Variants in ERC1 observed in about 807,000 individuals in gnomAD.
ERC1 encodes RAB6 interacting protein 2.
Under a neutral mutation model 132.0 loss-of-function variants are expected in ERC1, and 56 were observed. The observed-to-expected ratio is 0.42, with a 90% CI of 0.34 to 0.53. The LOEUF is 0.53. ERC1 is among the 20% of genes least tolerant of loss of function. The pLI, the probability that ERC1 is intolerant of heterozygous loss-of-function variation, is 0.03. For synonymous variants in ERC1, 478 were observed against 476.1 expected (o/e 1.00, Z -0.05); for missense variants, 1,202 against 1,349.9 (o/e 0.89, Z 1.72).
At chr12:1,072,521 G>A (rs1355188583) in intron 2 of ERC1, among the ~76,000 whole-genome samples, 1 of 152,088 alleles carries the variant, frequency 6.6e-6, no homozygotes, top group Non-Finnish European at 1.5e-5. Context: ...ATGTGCAAAA[G>A]AGTCTCAGAC....
At chr12:1,050,364 T>C (rs967049355) in intron 2 of ERC1, among the ~76,000 whole-genome samples, 3 of 152,174 alleles carry the variant, frequency 2.0e-5, no homozygotes, top group Non-Finnish European at 4.4e-5. Context: ...ACACCCAAAC[T>C]TGTTCTTTGC....
chr12:1,187,922 C>T (rs1400381313), intron 11 of ERC1, among the ~76,000 whole-genome samples: 1 of 152,138 alleles, frequency 6.6e-6, no homozygotes, highest in Non-Finnish European at 1.5e-5. Flanking sequence ...GGAGAACTAA[C>T]TTAGGTCAAG....
chr12:1,490,241 TG>T lies in ERC1; in HGVS notation c.*15del, dbSNP rs1003651501. 6.2e-6 allele frequency: 10 copies of T among 1,612,586 alleles called. No individual in the cohort carries two copies. The highest frequency in any genetic ancestry group is 2.2e-5 in the East Asian group (1 of 44,852). ...GAAGAGTCCTCTTGACCCTGCTTTA[TG>T]GGGAAGCCTGAGGTAGTCAACCCAG... On this transcript the variant is annotated 3_prime_UTR_variant, in exon 19 of 19. Transcript: ENST00000360905.
rs1016480213 is a variant in ERC1 at position 1,494,999 on chromosome 12, A to G, written c.*4769A>G. 1.7e-5 allele frequency: 4 copies of G among 230,152 alleles called. No individual in the cohort carries two copies. Among genetic ancestry groups the G allele is most frequent in the African/African-American group, 8.9e-5 (4 of 45,160 alleles). 14.3% of individuals were successfully genotyped at this position (230,152 alleles called of 1,614,324 possible). A position where few individuals can be genotyped will look rare whatever the true frequency, so the allele number is the denominator to read the frequency against. On this transcript the variant is annotated 3_prime_UTR_variant, in exon 19 of 19. Coordinates refer to ENST00000360905, the MANE Select transcript of ERC1 (RefSeq NM_178040.4). ...AGACACCTGCCGAGCAAAAGGAACG[A>G]GAATCTGGGGCTCAGAGCCTCGCAG... is the stretch of plus-strand genomic sequence containing the variant.
chr12:1,470,283 A>C (rs919453137), intron 18 of ERC1, among the ~76,000 whole-genome samples: 1 of 151,822 alleles, frequency 6.6e-6, no homozygotes, highest in Admixed American at 6.6e-5. Context: ...GGCTGGGGGG[A>C]AACTTCCTTC....
intron 15 of ERC1, among the ~76,000 whole-genome samples, chr12:1,311,322 A>G (rs1426785467): frequency 6.7e-6 from 1 of 149,776 alleles, no homozygotes; most frequent in Admixed American, 6.6e-5. Flanking sequence ...TGTTGATACA[A>G]CATTAAATTT....
intron 18 of ERC1, among the ~76,000 whole-genome samples, chr12:1,451,998 C>A (rs1187386185): frequency 6.6e-6 from 1 of 152,104 alleles, no homozygotes; most frequent in African/African-American, 2.4e-5. Flanking sequence ...ATCTGTAAGC[C>A]AAGGAGAGAG....
intron 3 of ERC1, among the ~76,000 whole-genome samples, chr12:1,084,194 TG>T (rs1942640633): frequency 1.3e-5 from 2 of 152,230 alleles, no homozygotes; most frequent in African/African-American, 4.8e-5. Flanking sequence ...TTCTAAATAA[TG>T]TATCATTTTA....
intron 15 of ERC1, among the ~76,000 whole-genome samples, chr12:1,300,878 G>A (rs776656191): frequency 7.9e-5 from 12 of 152,088 alleles, no homozygotes; most frequent in Admixed American, 7.9e-4. Flanking sequence ...AACCATTGTG[G>A]AAGATGATGT....
chr12:1,327,360 A>G (rs1027489844), intron 15 of ERC1, among the ~76,000 whole-genome samples: 23 of 152,182 alleles, frequency 1.5e-4, no homozygotes, highest in Admixed American at 4.6e-4. Context: ...TTACACAAGT[A>G]TTTTAGAGTT....
At chr12:1,208,307 G>C (rs1318619168) in intron 12 of ERC1, among the ~76,000 whole-genome samples, 1 of 151,706 alleles carries the variant, frequency 6.6e-6, no homozygotes, top group Non-Finnish European at 1.5e-5. Flanking sequence ...TTTGAATATG[G>C]CCCAACACAA....
At chr12:1,290,074 A>G (rs1340209483) in intron 15 of ERC1, 62 bp downstream of exon 15, 2 of 1,431,550 alleles carry the variant, frequency 1.4e-6, no homozygotes, top group East Asian at 2.3e-5. Context: ...TTCTCCCTGC[A>G]TTCATCTTCT....
upstream of ERC1, chr12:990,952 A>AGTGTGTGTGTGTGAGT: frequency 1.3e-5 from 2 of 150,144 alleles, no homozygotes; most frequent in South Asian, 4.2e-4. Flanking sequence ...TGTGTGTGTG[A>AGTGTGTGTGTGTGAGT]GTGTGTGTGT....
intron 18 of ERC1, among the ~76,000 whole-genome samples, chr12:1,488,714 T>C (rs2094280059): frequency 6.6e-6 from 1 of 152,232 alleles, no homozygotes; most frequent in Non-Finnish European, 1.5e-5. Context: ...ATTTTCCTCC[T>C]TTCTTTCCTA....
chr12:1,183,317 C>T lies in ERC1; in HGVS notation c.2053C>T (p.Leu685=). 6.3e-7 allele frequency: 1 copy of T among 1,578,520 alleles called. No homozygotes were observed. Among genetic ancestry groups the T allele is most frequent in the East Asian group, 2.2e-5 (1 of 44,516 alleles). Reference sequence around the variant, plus strand: ...GGATCTGAAAGAGCATGCTTCTTCTCTGGCATCCTCAGGACTGAAAAAGGA... The same window carrying T: ...GGATCTGAAAGAGCATGCTTCTTCTTTGGCATCCTCAGGACTGAAAAAGGA... The part of the protein sequence containing the change: ...LLDLKEHASS[L]ASSGLKKDSR... The change falls in exon 11 of 19, where the codon CTG becomes TTG. Residue 685 remains leucine (L), a synonymous_variant. Coordinates refer to ENST00000360905, the MANE Select transcript of ERC1 (RefSeq NM_178040.4).
At chr12:1,321,382 T>C (rs1281147139) in intron 15 of ERC1, among the ~76,000 whole-genome samples, 2 of 152,308 alleles carry the variant, frequency 1.3e-5, no homozygotes, top group Non-Finnish European at 2.9e-5. Context: ...GGCACAGATA[T>C]TTCTTGTAAA....
At chr12:1,444,383 T>A in intron 17 of ERC1, 179 bp from the exon 18 acceptor site, 1 of 528,190 alleles carries the variant, frequency 1.9e-6, no homozygotes, top group Non-Finnish European at 3.3e-6. Context: ...AGCGTAAATG[T>A]GTGACAGTAT....
chr12:1,268,838 G>C (rs761857846), intron 14 of ERC1, among the ~76,000 whole-genome samples: 3 of 152,158 alleles, frequency 2.0e-5, no homozygotes, highest in Non-Finnish European at 2.9e-5. Context: ...GGGAGCAGAA[G>C]TGAAAGCTAG....
At chr12:1,345,937 T>G (rs1354428444) in intron 15 of ERC1, among the ~76,000 whole-genome samples, 1 of 152,206 alleles carries the variant, frequency 6.6e-6, no homozygotes, top group Non-Finnish European at 1.5e-5. Context: ...ACTTAGCTAG[T>G]TACGAAATTC....
Sources: gnomAD v4.1 joint callset for allele counts (sites outside exome capture counted in the v4.1 genomes callset) on GRCh38, gnomAD v4.1.1 for gene constraint, MANE v1.5 for transcripts, NCBI Gene and HGNC (gene_info 2026-07-23, HGNC 2026-07-21) for gene names.